The following NTAQ1 variants were observed in gnomAD, a reference collection of about 807,000 sequenced individuals.
NTAQ1 encodes the protein N-terminal glutamine amidase 1.
NTAQ1 carries 21 observed loss-of-function variants against 28.2 expected under a neutral mutation model. That is an observed-to-expected ratio of 0.74 (90% CI 0.53 to 1.07). The LOEUF is 1.07. Ranked by LOEUF, NTAQ1 falls within the 50% of genes least tolerant of loss-of-function variation. The pLI, the probability that NTAQ1 is intolerant of heterozygous loss-of-function variation, is 0.00. For synonymous variants in NTAQ1, 105 were observed against 90.0 expected, an observed-to-expected ratio of 1.17 and a Z score of -0.94; for missense variants, 264 against 256.6, an observed-to-expected ratio of 1.03 and a Z score of -0.20.
chr8:123,470,641 T>G (rs946382095), downstream of NTAQ1, among the ~76,000 whole-genome samples: 24 of 152,246 alleles, frequency 1.6e-4, no homozygotes, highest in African/African-American at 5.8e-4. Flanking sequence ...GTGCTGTGCA[T>G]GAAGTCCCAT....
intron 6 of NTAQ1, among the ~76,000 whole-genome samples, chr8:123,466,819 C>T (rs1383350184): frequency 6.6e-6 from 1 of 151,986 alleles, no homozygotes; most frequent in African/African-American, 2.4e-5. Flanking sequence ...TTTCCATGGG[C>T]GATACCATTT....
At chr8:123,462,691 G>A (rs1266298478) in intron 6 of NTAQ1, among the ~76,000 whole-genome samples, 14 of 152,146 alleles carry the variant, frequency 9.2e-5, no homozygotes, top group Non-Finnish European at 2.9e-5. Context: ...CCCCCAGCTA[G>A]TAAGTGGCCA....
chr8:123,424,072 G>GTTTTTTTTT (rs35733686), intron 1 of NTAQ1, among the ~76,000 whole-genome samples: 19 of 85,846 alleles, frequency 2.2e-4, no homozygotes, highest in African/African-American at 8.2e-4. Context: ...ATTTTTATGC[G>GTTTTTTTTT]TTTTTTTTTT....
At chr8:123,440,342 G>C (rs1156432566) in intron 5 of NTAQ1, among the ~76,000 whole-genome samples, 92 of 151,266 alleles carry the variant, frequency 6.1e-4, no homozygotes, top group African/African-American at 2.2e-3. Flanking sequence ...TTTTAGTAGA[G>C]ACGGGGTTTC....
downstream of NTAQ1, chr8:123,448,198 T>C (rs188214092): frequency 1.3e-3 from 194 of 152,350 alleles, no homozygotes; most frequent in African/African-American, 4.5e-3. Flanking sequence ...GACAAACTTA[T>C]GTATTTTTTA....
exon 7 of NTAQ1, among the ~76,000 whole-genome samples, chr8:123,467,574 C>T (rs930858158): frequency 6.6e-6 from 1 of 152,120 alleles, no homozygotes; most frequent in African/African-American, 2.4e-5. Flanking sequence ...TAGAATGTAG[C>T]TGAGGGTCTG....
At chr8:123,420,242 A>C (rs886401238) in intron 1 of NTAQ1, among the ~76,000 whole-genome samples, 3 of 152,076 alleles carry the variant, frequency 2.0e-5, no homozygotes, top group Non-Finnish European at 4.4e-5. Context: ...AAATGACATG[A>C]TTTTTGTTCT....
chr8:123,423,789 A>G, intron 1 of NTAQ1, among the ~76,000 whole-genome samples: 1 of 152,134 alleles, frequency 6.6e-6, no homozygotes, highest in Non-Finnish European at 1.5e-5. Flanking sequence ...CAAAAATAAC[A>G]GTGTATGTTC....
chr8:123,467,280 C>A (rs561400084), exon 7 of NTAQ1: 1 of 152,190 alleles, frequency 6.6e-6, no homozygotes, highest in South Asian at 2.1e-4. Flanking sequence ...AAGTGATCGA[C>A]CTGCCTTGGC....
At chr8:123,449,494 TC>T (rs1418106424), downstream of NTAQ1, among the ~76,000 whole-genome samples, 2 of 152,224 alleles carry the variant, frequency 1.3e-5, no homozygotes, top group African/African-American at 4.8e-5. Context: ...AGTGGGCAGA[TC>T]ACTTGAGGCC....
intron 6 of NTAQ1, among the ~76,000 whole-genome samples, chr8:123,462,605 C>G (rs1299416309): frequency 6.6e-6 from 1 of 152,178 alleles, no homozygotes; most frequent in Non-Finnish European, 1.5e-5. Flanking sequence ...TCTGTGTTAT[C>G]TCATTTAATC....
intron 6 of NTAQ1, among the ~76,000 whole-genome samples, chr8:123,458,644 C>T (rs4871380): frequency 0.31 from 45,530 of 148,646 alleles, 7,396 homozygotes; most frequent in South Asian, 0.45. Flanking sequence ...TTTTTTGAAT[C>T]GGAGTCTCGT....
downstream of NTAQ1, among the ~76,000 whole-genome samples, chr8:123,444,044 T>G (rs1815177544): frequency 7.6e-6 from 1 of 132,364 alleles, no homozygotes; most frequent in African/African-American, 2.9e-5. Context: ...ATTTTTCTAT[T>G]TAAACTTTTT....
At chr8:123,454,177 G>A (rs1425181649) in intron 6 of NTAQ1, among the ~76,000 whole-genome samples, 3 of 152,178 alleles carry the variant, frequency 2.0e-5, no homozygotes, top group Admixed American at 2.0e-4. Flanking sequence ...GAGTGGTTCT[G>A]GTTTAGTAAG....
At chr8:123,432,797 CA>C (rs759326058) in intron 3 of NTAQ1, among the ~76,000 whole-genome samples, 3 of 151,762 alleles carry the variant, frequency 2.0e-5, no homozygotes, top group Admixed American at 6.6e-5. Context: ...TCCTCTGCCT[CA>C]GCCTCCCGAG....
rs890510909 is a variant in NTAQ1, at chr8:123,438,951, G to A, written c.508+1617G>A. Among the ~76,000 whole-genome samples the A allele has an allele frequency of 5.3e-5, 8 of 152,182 alleles. No homozygotes were observed. In the East Asian group the frequency reaches 1.5e-3, roughly 29 times the overall value. On this transcript the variant is annotated intron_variant, in intron 5 of 5. Transcript: ENST00000287387. ...TATGGCAACCTGCTCTACAGGGCCT[G>A]GTCTGGCCACAGTGTGCCTTTAGCA...
At chr8:123,423,293 T>C (rs1813829415) in intron 1 of NTAQ1, among the ~76,000 whole-genome samples, 1 of 59,278 alleles carries the variant, frequency 1.7e-5, no homozygotes, top group African/African-American at 5.6e-5. Context: ...CTTCCTTCTC[T>C]TCTTTTGTTT....
rs548024452 is a variant in NTAQ1 at position 123,429,592 on chromosome 8, C to T, written c.184-391C>T. ...CACAAGATCCTGTCTTGGCCAGGTG[C>T]GGTGGCTCACGCCTATAATCCCAGC... On this transcript the variant is annotated intron_variant, in intron 2 of 5. Coordinates refer to ENST00000287387, the MANE Select transcript of NTAQ1 (RefSeq NM_018024.3). 1.7e-3 allele frequency among the ~76,000 whole-genome samples: 262 copies of T among 151,988 alleles called. 1 individual carries two copies. The highest frequency in any genetic ancestry group is 3.9e-3 in the South Asian group (19 of 4,816).
chr8:123,423,798 T>G (rs1813870982), intron 1 of NTAQ1, among the ~76,000 whole-genome samples: 1 of 152,084 alleles, frequency 6.6e-6, no homozygotes, highest in South Asian at 2.1e-4. Flanking sequence ...CAGTGTATGT[T>G]CAAGCCACAT....
Sources: gnomAD v4.1 joint callset for allele counts (sites outside exome capture counted in the v4.1 genomes callset) on GRCh38, gnomAD v4.1.1 for gene constraint, MANE v1.5 for transcripts, NCBI Gene and HGNC (gene_info 2026-07-23, HGNC 2026-07-21) for gene names.